The following ZNF143 variants were observed in gnomAD, a reference collection of about 807,000 sequenced individuals.
ZNF143 encodes the protein zinc finger protein 143.
Under a neutral mutation model 74.1 loss-of-function variants are expected in ZNF143, and 49 were observed. That is an observed-to-expected ratio of 0.66 (90% CI 0.53 to 0.84). The LOEUF is 0.84. Among genes scored for constraint, ZNF143 ranks in the 40% least tolerant of loss-of-function variants. The pLI is 0.00. For synonymous variants in ZNF143, 304 were observed against 282.8 expected (o/e 1.07, Z -0.75); for missense variants, 637 against 793.4 (o/e 0.80, Z 2.37).
At chr11:9,493,796 A>G (rs1402747651) in intron 7 of ZNF143, among the ~76,000 whole-genome samples, 1 of 152,172 alleles carries the variant, frequency 6.6e-6, no homozygotes, top group Non-Finnish European at 1.5e-5. Context: ...CTTAATTTCT[A>G]TTTTAAAAAG....
chr11:9,465,418 CT>C (rs1244859116), intron 1 of ZNF143, among the ~76,000 whole-genome samples: 1 of 151,686 alleles, frequency 6.6e-6, no homozygotes, highest in Non-Finnish European at 1.5e-5. Context: ...AACTCCTGAC[CT>C]TGTGATCCGC....
Position 9,486,433 on chromosome 11 carries a change from ATAT to A in ZNF143, c.645+6888_645+6890del, listed in dbSNP as rs1565039411. The stretch of plus-strand genomic sequence containing the variant: ...ATATAATATATATTATATATATTAT[ATAT>A]ATAATATATTATATATATTATATAT... On this transcript the variant is annotated intron_variant, in intron 7 of 15. Coordinates refer to ENST00000396602, the MANE Select transcript of ZNF143 (RefSeq NM_003442.6). Among the ~76,000 whole-genome samples the A allele has an allele frequency of 5.3e-3, 247 of 46,822 alleles. 5 individuals carry two copies. Among genetic ancestry groups the A allele is most frequent in the Non-Finnish European group, 8.3e-3 (192 of 23,198 alleles). The allele number at this position is 46,822 out of a possible 152,430, so 30.7% of individuals were successfully genotyped here.
At chr11:9,487,630 C>G (rs941415144) in intron 7 of ZNF143, among the ~76,000 whole-genome samples, 2 of 152,096 alleles carry the variant, frequency 1.3e-5, no homozygotes, top group African/African-American at 4.8e-5. Context: ...GTGCTGGGAG[C>G]CACTGTGTGA....
intron 11 of ZNF143, among the ~76,000 whole-genome samples, chr11:9,502,329 G>A (rs1357454894): frequency 6.9e-6 from 1 of 145,658 alleles, no homozygotes; most frequent in African/African-American, 2.5e-5. Flanking sequence ...AAGTGTATGG[G>A]CCGGGCGCGG....
chr11:9,464,985 T>C (rs1303006150), intron 1 of ZNF143, among the ~76,000 whole-genome samples: 1 of 152,118 alleles, frequency 6.6e-6, no homozygotes, highest in Non-Finnish European at 1.5e-5. Context: ...AAATGTGAAT[T>C]AAAAGTGATC....
chr11:9,467,796 A>G lies in ZNF143; in HGVS notation c.-7-3506A>G, dbSNP rs1056508708. On this transcript the variant is annotated intron_variant, in intron 1 of 15. Transcript: ENST00000396602. ...GAGGTGGAAGTTACAGTGAGCTGAG[A>G]TGGCGCCACTGCACTCTGGCCTGGG... 7.6e-5 allele frequency among the ~76,000 whole-genome samples: 11 copies of G among 145,380 alleles called. No homozygotes were observed. In the South Asian group the frequency reaches 1.1e-3, roughly 15 times the overall value.
At position 9,500,945 on chromosome 11, in the gene ZNF143, A is replaced by G. The variant is rs574695316; in HGVS notation, c.968-146A>G. The G allele has an allele frequency of 9.7e-4, 853 of 877,334 alleles. 7 individuals carry two copies. The highest frequency in any genetic ancestry group is 4.1e-3 in the Middle Eastern group (12 of 2,906). The allele number at this position is 877,334 out of a possible 1,614,324, so 54.3% of individuals were successfully genotyped here. A position where few individuals can be genotyped will look rare whatever the true frequency, so the allele number is the denominator to read the frequency against. On this transcript the variant is annotated intron_variant, in intron 10 of 15. Coordinates refer to ENST00000396602, the MANE Select transcript of ZNF143 (RefSeq NM_003442.6). ...TGGAGTGGAAGATGCTGTTTCCCCA[A>G]CCCCCCCAAAAAAATGCCTGAAAGG...
At chr11:9,509,001 A>G (rs1434323485) in intron 12 of ZNF143, among the ~76,000 whole-genome samples, 155 bp downstream of exon 12, 1 of 152,204 alleles carries the variant, frequency 6.6e-6, no homozygotes, top group Non-Finnish European at 1.5e-5. Context: ...ATTGAAGAAA[A>G]GTATGTGGTA....
chr11:9,511,102 CTTTTTT>C (rs777285359), intron 12 of ZNF143, among the ~76,000 whole-genome samples: 2 of 70,748 alleles, frequency 2.8e-5, no homozygotes, highest in Non-Finnish European at 5.2e-5. Context: ...TTAACAGCTT[CTTTTTT>C]TTTTTTTTTT....
chr11:9,504,207 C>T (rs543920817), intron 11 of ZNF143, among the ~76,000 whole-genome samples: 1 of 151,706 alleles, frequency 6.6e-6, no homozygotes, highest in Non-Finnish European at 1.5e-5. Flanking sequence ...GATCCTCCCA[C>T]CTCAGCCTCC....
intron 7 of ZNF143, among the ~76,000 whole-genome samples, chr11:9,493,806 G>T (rs1158311457): frequency 6.6e-6 from 1 of 152,094 alleles, no homozygotes; most frequent in African/African-American, 2.4e-5. Flanking sequence ...ATTTTAAAAA[G>T]CCTTTAAAAA....
At chr11:9,490,368 C>A (rs1467954685) in intron 7 of ZNF143, among the ~76,000 whole-genome samples, 2 of 141,762 alleles carry the variant, frequency 1.4e-5, no homozygotes, top group Non-Finnish European at 3.0e-5. Flanking sequence ...TGGCTCACTG[C>A]AGCCTCAACC....
At chr11:9,490,139 G>T (rs553334034) in intron 7 of ZNF143, among the ~76,000 whole-genome samples, 3 of 152,180 alleles carry the variant, frequency 2.0e-5, no homozygotes, top group African/African-American at 7.2e-5. Context: ...AGCTGTGATT[G>T]TGCGACTGTA....
chr11:9,478,149 G>T (rs1338374601), intron 5 of ZNF143, among the ~76,000 whole-genome samples: 1 of 152,114 alleles, frequency 6.6e-6, no homozygotes, highest in Non-Finnish European at 1.5e-5. Flanking sequence ...TAAATTTTCT[G>T]ATTGCTAAGG....
At chr11:9,486,396 A>ATTATATATATT (rs1245802133) in intron 7 of ZNF143, among the ~76,000 whole-genome samples, 2 of 11,922 alleles carry the variant, frequency 1.7e-4, no homozygotes, top group African/African-American at 4.4e-4. Flanking sequence ...TAATATATAT[A>ATTATATATATT]ATATATTATA....
At chr11:9,468,253 A>G (rs968656297) in intron 1 of ZNF143, among the ~76,000 whole-genome samples, 2 of 152,184 alleles carry the variant, frequency 1.3e-5, no homozygotes, top group Admixed American at 6.5e-5. Flanking sequence ...TTTCACATCA[A>G]TAGTTCAGTT....
chr11:9,512,606 C>T lies in ZNF143; in HGVS notation c.1524+10C>T. Reference sequence around the variant, plus strand: ...GGATGGGACTCAGCATGTAAGTATCCACCAAAAGCCAAACAAATTAAATCT... The same window carrying T: ...GGATGGGACTCAGCATGTAAGTATCTACCAAAAGCCAAACAAATTAAATCT... On this transcript the variant is annotated intron_variant, in intron 13 of 15. Coordinates refer to ENST00000396602, the MANE Select transcript of ZNF143 (RefSeq NM_003442.6). The T allele has an allele frequency of 1.2e-6, 2 of 1,612,816 alleles. No homozygotes were observed. The highest frequency in any genetic ancestry group is 1.7e-6 in the Non-Finnish European group (2 of 1,178,990).
At chr11:9,494,885 C>T in intron 8 of ZNF143, 120 bp downstream of exon 8, 8 of 1,027,300 alleles carry the variant, frequency 7.8e-6, no homozygotes, top group Non-Finnish European at 1.1e-5. Flanking sequence ...GATACTGGCA[C>T]TTGGTCACAC....
intron 9 of ZNF143, among the ~76,000 whole-genome samples, chr11:9,497,291 C>T (rs927350000): frequency 3.9e-5 from 6 of 152,054 alleles, no homozygotes; most frequent in African/African-American, 1.2e-4. Context: ...AGTGCAGTGA[C>T]GTGATCTCGG....
Sources: gnomAD v4.1 joint callset for allele counts (sites outside exome capture counted in the v4.1 genomes callset) on GRCh38, gnomAD v4.1.1 for gene constraint, MANE v1.5 for transcripts, NCBI Gene and HGNC (gene_info 2026-07-23, HGNC 2026-07-21) for gene names.